The following NFIA variants were observed in gnomAD, a reference collection of about 807,000 sequenced individuals.
NFIA encodes the protein nuclear factor I A.
A neutral mutation model predicts 62.8 loss-of-function variants in NFIA; 8 were observed. The observed-to-expected ratio is 0.13, with a 90% confidence interval of 0.07 to 0.23. NFIA has a LOEUF of 0.23. Ranked by LOEUF, NFIA falls within the 10% of genes least tolerant of loss-of-function variation. The probability of loss-of-function intolerance (pLI) is 1.00; values close to 1 mark genes in which losing one functional copy is unlikely to be tolerated. For synonymous variants in NFIA, 235 were observed against 238.1 expected (o/e 0.99, Z 0.12); for missense variants, 410 against 642.1 (o/e 0.64, Z 3.91).
chr1:61,343,820 A>T (rs1420696404), intron 4 of NFIA, among the ~76,000 whole-genome samples: 1 of 152,336 alleles, frequency 6.6e-6, no homozygotes, highest in East Asian at 1.9e-4. Flanking sequence ...TTCAAGTCAG[A>T]CTGACTGCAG....
intron 2 of NFIA, among the ~76,000 whole-genome samples, chr1:61,109,932 A>G (rs1646667022): frequency 6.6e-6 from 1 of 152,018 alleles, no homozygotes; most frequent in Non-Finnish European, 1.5e-5. Context: ...ATGTTATACA[A>G]TTTAAGTCAT....
At position 61,082,678 on chromosome 1, in the gene NFIA, C is replaced by T; in HGVS notation, c.-114C>T. ...GATTTTTTTTTCTCCCCCCTTCTCT[C>T]TCTCTCTCTCTCTCTCTCTTCCTCT... is the stretch of plus-strand genomic sequence containing the variant. On this transcript the variant is annotated 5_prime_UTR_variant, in exon 1 of 11. Coordinates refer to ENST00000403491, the MANE Select transcript of NFIA (RefSeq NM_001134673.4). 9 of 1,470,880 alleles carry T rather than the reference C, an allele frequency of 6.1e-6. No homozygotes were observed. The highest frequency in any genetic ancestry group is 2.2e-5 in the Admixed American group (1 of 45,394). The allele number at this position is 1,470,880 out of a possible 1,614,324, so 91.1% of individuals were successfully genotyped here. A position where few individuals can be genotyped will look rare whatever the true frequency, so the allele number is the denominator to read the frequency against.
intron 3 of NFIA, among the ~76,000 whole-genome samples, chr1:61,293,520 G>A (rs542072440): frequency 1.8e-4 from 28 of 152,306 alleles, no homozygotes; most frequent in South Asian, 4.1e-4. Context: ...GTCACCCAGC[G>A]TGTTTCCCTT....
intron 7 of NFIA, among the ~76,000 whole-genome samples, chr1:61,400,998 G>A (rs1185538982): frequency 1.3e-5 from 2 of 148,692 alleles, no homozygotes; most frequent in African/African-American, 5.0e-5. Flanking sequence ...GGAATAGCAG[G>A]TTATCTAGAG....
intron 10 of NFIA, among the ~76,000 whole-genome samples, chr1:61,451,184 C>A (rs1426380607): frequency 1.3e-5 from 2 of 152,166 alleles, no homozygotes; most frequent in Non-Finnish European, 2.9e-5. Flanking sequence ...TTCATAAAAC[C>A]TGACTACTGT....
At chr1:61,309,138 C>A (rs1178108850) in intron 3 of NFIA, among the ~76,000 whole-genome samples, 1 of 152,108 alleles carries the variant, frequency 6.6e-6, no homozygotes, top group Non-Finnish European at 1.5e-5. Context: ...CAAAGCCTTT[C>A]CTTCTTTCGT....
intron 2 of NFIA, among the ~76,000 whole-genome samples, chr1:61,146,440 A>C (rs1004248127): frequency 6.6e-6 from 1 of 152,166 alleles, no homozygotes; most frequent in Non-Finnish European, 1.5e-5. Flanking sequence ...TTCCCATTCT[A>C]TGAAACCCAA....
chr1:61,241,261 CT>C (rs1401784762), intron 2 of NFIA, among the ~76,000 whole-genome samples: 1 of 152,106 alleles, frequency 6.6e-6, no homozygotes, highest in Non-Finnish European at 1.5e-5. Context: ...ATACCTTCCA[CT>C]TTCCTACTAA....
chr1:61,355,596 T>C (rs960276593), intron 5 of NFIA, among the ~76,000 whole-genome samples: 29 of 150,174 alleles, frequency 1.9e-4, no homozygotes, highest in Non-Finnish European at 3.9e-4. Context: ...TTTTTTTTTT[T>C]CTCCAATAGA....
At chr1:61,411,750 G>A (rs567816244) in intron 9 of NFIA, among the ~76,000 whole-genome samples, 1 of 151,734 alleles carries the variant, frequency 6.6e-6, no homozygotes, top group Non-Finnish European at 1.5e-5. Context: ...CTCTAAGCAG[G>A]GTGATCAGAG....
chr1:61,192,064 G>C (rs1444136254), intron 2 of NFIA, among the ~76,000 whole-genome samples: 2 of 133,242 alleles, frequency 1.5e-5, no homozygotes, highest in Non-Finnish European at 1.6e-5. Context: ...GGTTCAGGCA[G>C]TTCTCCTCCT....
Position 61,438,605 on chromosome 1 carries a change from A to G in NFIA, c.1512+12049A>G, listed in dbSNP as rs141114731. 8.3e-3 allele frequency among the ~76,000 whole-genome samples: 1,268 copies of G among 152,308 alleles called. 7 individuals are homozygous for G. The highest frequency in any genetic ancestry group is 0.024 in the South Asian group (116 of 4,820). The stretch of plus-strand genomic sequence containing the variant: ...TTAAGATCATACTTAGCATACTCCC[A>G]AGGAGCAAGTTAAAGTTCAACTAAC... On this transcript the variant is annotated intron_variant, in intron 10 of 10. Coordinates refer to ENST00000403491, the MANE Select transcript of NFIA (RefSeq NM_001134673.4).
chr1:61,309,892 AAAT>A (rs1325106111), intron 3 of NFIA, among the ~76,000 whole-genome samples: 2 of 152,224 alleles, frequency 1.3e-5, no homozygotes, highest in East Asian at 3.8e-4. Flanking sequence ...CCGTCTCCAG[AAAT>A]AAATAAATTT....
intron 3 of NFIA, among the ~76,000 whole-genome samples, chr1:61,317,529 CTAAG>C (rs1195723701): frequency 5.3e-5 from 8 of 151,924 alleles, no homozygotes; most frequent in African/African-American, 1.7e-4. Flanking sequence ...AGCTTAGAGA[CTAAG>C]TACTGTTATT....
intron 9 of NFIA, among the ~76,000 whole-genome samples, chr1:61,408,378 T>A (rs981942268): frequency 6.6e-6 from 1 of 151,990 alleles, no homozygotes; most frequent in Admixed American, 6.6e-5. Flanking sequence ...ATAAGTGCCC[T>A]GCTCGTTGTG....
intron 3 of NFIA, among the ~76,000 whole-genome samples, chr1:61,320,110 C>CTT (rs34013347): frequency 2.1e-5 from 3 of 146,200 alleles, no homozygotes; most frequent in Non-Finnish European, 3.0e-5. Context: ...CATTCTACTT[C>CTT]TTTTTTTTTT....
intron 8 of NFIA, 84 bp downstream of exon 8, chr1:61,404,366 C>A: frequency 7.5e-7 from 1 of 1,339,772 alleles, no homozygotes; most frequent in Non-Finnish European, 1.0e-6. Flanking sequence ...GATCATGTGA[C>A]GTTGTGCTCT....
At chr1:61,299,660 G>A (rs1218755346) in intron 3 of NFIA, among the ~76,000 whole-genome samples, 5 of 152,232 alleles carry the variant, frequency 3.3e-5, no homozygotes, top group East Asian at 1.9e-4. Flanking sequence ...TTTGTACAGC[G>A]ACTCAAAGTT....
chr1:61,398,585 A>G (rs1023138682), intron 7 of NFIA, among the ~76,000 whole-genome samples: 25 of 152,240 alleles, frequency 1.6e-4, no homozygotes, highest in Non-Finnish European at 2.8e-4. Flanking sequence ...CTCAATTGAC[A>G]TATCTGGGTC....
Sources: allele counts gnomAD v4.1 joint callset (sites outside exome capture counted in the v4.1 genomes callset), GRCh38; gene constraint gnomAD v4.1.1; transcripts MANE v1.5; gene names NCBI Gene and HGNC (gene_info 2026-07-23, HGNC 2026-07-21).